RHCE: variants seen among roughly 807,000 people sequenced by gnomAD.
RHCE encodes the protein Rh blood group CcEe antigens, also known as blood group Rh(CE) polypeptide.
In RHCE, 22 loss-of-function variants were observed where a neutral mutation model predicts 43.8. The ratio of observed to expected loss-of-function variants is 0.50; its 90% confidence interval spans 0.36 to 0.72. The LOEUF is 0.72. RHCE is among the 30% of genes least tolerant of loss of function. The pLI, the probability that RHCE is intolerant of heterozygous loss-of-function variation, is 0.00. For missense variants in RHCE, 385 were observed against 525.4 expected (o/e 0.73, Z 2.61); for synonymous variants, 156 against 210.7 (o/e 0.74, Z 2.25).
At chr1:25,379,513 T>A (rs1645928274) in intron 7 of RHCE, among the ~76,000 whole-genome samples, 1 of 92,980 alleles carries the variant, frequency 1.1e-5, no homozygotes, top group African/African-American at 4.3e-5. Context: ...TTTTTTTTTT[T>A]TTTTTTTTAA....
chr1:25,418,778 G>T (rs1298330325), intron 1 of RHCE, among the ~76,000 whole-genome samples: 5 of 152,192 alleles, frequency 3.3e-5, no homozygotes, highest in African/African-American at 1.2e-4. Context: ...CCTCCCTCCA[G>T]AAGCCTCCCC....
intron 3 of RHCE, among the ~76,000 whole-genome samples, chr1:25,399,383 T>G (rs675798): frequency 2.6e-5 from 4 of 152,088 alleles, no homozygotes; most frequent in African/African-American, 9.7e-5. Flanking sequence ...GGAATTATAT[T>G]TAAGTTGTGA....
chr1:25,408,106 A>G (rs186132701), intron 2 of RHCE, among the ~76,000 whole-genome samples: 3 of 121,916 alleles, frequency 2.5e-5, no homozygotes, highest in African/African-American at 7.6e-5. Flanking sequence ...TGACCAACAC[A>G]GAGAAACCCT....
At chr1:25,406,872 A>G (rs28759034) in intron 2 of RHCE, among the ~76,000 whole-genome samples, 12,197 of 107,688 alleles carry the variant, frequency 0.11, 2,660 homozygotes, top group African/African-American at 0.31. Flanking sequence ...TGATCTGCCC[A>G]CCCCCACCTC....
chr1:25,417,577 G>A (rs543466869), intron 1 of RHCE, among the ~76,000 whole-genome samples: 58 of 152,254 alleles, frequency 3.8e-4, no homozygotes, highest in African/African-American at 1.3e-3. Context: ...ACTCTGAGGA[G>A]TGAATTTTCA....
Position 25,362,464 on chromosome 1 carries a change from G to A in RHCE, c.*63C>T, listed in dbSNP as rs1645429333. 1 of 1,612,070 alleles carries A rather than the reference G, an allele frequency of 6.2e-7. No individual in the cohort carries two copies. The highest frequency in any genetic ancestry group is 1.3e-5 in the African/African-American group (1 of 74,930). On this transcript the variant is annotated 3_prime_UTR_variant, in exon 10 of 10. Coordinates refer to ENST00000294413, the MANE Select transcript of RHCE (RefSeq NM_020485.8). ...TGAGCGTTTCTCACGTACAAATGCA[G>A]GCAACAGTGAGAGGAAGTTGTCTTG...
intron 7 of RHCE, among the ~76,000 whole-genome samples, chr1:25,378,798 T>G (rs896156509): frequency 6.6e-6 from 1 of 152,178 alleles, no homozygotes; most frequent in East Asian, 1.9e-4. Flanking sequence ...TCTGCCTCTT[T>G]TTTACAGGGG....
At chr1:25,370,406 C>G in intron 9 of RHCE, 61 bp downstream of exon 9, 1 of 1,386,892 alleles carries the variant, frequency 7.2e-7, no homozygotes, top group Non-Finnish European at 1.0e-6. Flanking sequence ...CATATATACC[C>G]AGGTATGTTT....
chr1:25,428,877 T>G (rs1442566316), intron 2 of RHCE: 1 of 152,254 alleles, frequency 6.6e-6, no homozygotes, highest in Non-Finnish European at 1.5e-5. Flanking sequence ...AGAGATACTG[T>G]GTTGGGGCAG....
upstream of RHCE, among the ~76,000 whole-genome samples, chr1:25,424,179 G>T (rs1557650786): frequency 6.6e-6 from 1 of 152,184 alleles, no homozygotes; most frequent in Non-Finnish European, 1.5e-5. Flanking sequence ...GCATGTTTAA[G>T]GTAGGTGACA....
chr1:25,387,590 G>A (rs1401387524), intron 6 of RHCE, among the ~76,000 whole-genome samples: 1 of 152,144 alleles, frequency 6.6e-6, no homozygotes, highest in East Asian at 1.9e-4. Flanking sequence ...TCTTTTTTCT[G>A]CCCTTCCTCC....
In RHCE at chr1:25,409,371, A is replaced by T. The variant is rs1423480012; in HGVS notation, c.149-502T>A. Reference sequence around the variant, plus strand: ...AGGCCCAGTGCTCTTGTTGTTGGGAACCACATAATCTTCACAGCAAACCTC... The same window carrying T: ...AGGCCCAGTGCTCTTGTTGTTGGGATCCACATAATCTTCACAGCAAACCTC... On this transcript the variant is annotated intron_variant, in intron 1 of 9. Transcript: ENST00000294413. Among the ~76,000 whole-genome samples, 26 of 124,012 alleles carry T rather than the reference A, an allele frequency of 2.1e-4. 4 individuals are homozygous for T. Among genetic ancestry groups the T allele is most frequent in the African/African-American group, 5.8e-4 (23 of 39,772 alleles). The allele number at this position is 124,012 out of a possible 152,430, so 81.4% of individuals were successfully genotyped here. A position where few individuals can be genotyped will look rare whatever the true frequency, so the allele number is the denominator to read the frequency against.
In RHCE at chr1:25,404,635, AT is replaced by A. The variant is rs1287720427; in HGVS notation, c.336-1890del. Among the ~76,000 whole-genome samples, 3 of 149,574 alleles carry A rather than the reference AT, an allele frequency of 2.0e-5. No individual in the cohort carries two copies. In the East Asian group the frequency reaches 5.9e-4, roughly 29 times the overall value. On this transcript the variant is annotated intron_variant, in intron 2 of 9. Coordinates refer to ENST00000294413, the MANE Select transcript of RHCE (RefSeq NM_020485.8). ...GTGCTGAGGAGGTGCTAAGACAGTG[AT>A]GTGCAGTGGTTAGGAGCGTGCTCTC...
Position 25,392,157 on chromosome 1 carries a change from G to GT in RHCE, c.487-17dup, listed in dbSNP as rs749326190. On this transcript the variant is annotated splice_polypyrimidine_tract_variant and intron_variant, in intron 3 of 9. Coordinates refer to ENST00000294413, the MANE Select transcript of RHCE (RefSeq NM_020485.8). ...GGTAGTCTGTCTGCAATAAAACCCA[G>GT]TAAGAGCAGTGAGTGTCGGCATCCT... 1.9e-6 allele frequency: 3 copies of GT among 1,614,120 alleles called. No individual in the cohort carries two copies. Among genetic ancestry groups the GT allele is most frequent in the Non-Finnish European group, 1.7e-6 (2 of 1,179,986 alleles).
At chr1:25,417,444 C>G (rs765750453) in intron 1 of RHCE, among the ~76,000 whole-genome samples, 1 of 152,000 alleles carries the variant, frequency 6.6e-6, no homozygotes, top group Non-Finnish European at 1.5e-5. Flanking sequence ...GTCAAGTGAA[C>G]AAAAAGGAAA....
chr1:25,412,139 C>T (rs1424719294), intron 1 of RHCE, among the ~76,000 whole-genome samples: 18 of 150,946 alleles, frequency 1.2e-4, no homozygotes, highest in Middle Eastern at 3.2e-3. Flanking sequence ...GAACTAACTA[C>T]CAGGCCCCAA....
intron 5 of RHCE, among the ~76,000 whole-genome samples, chr1:25,390,482 G>T (rs527398046): frequency 6.6e-6 from 1 of 152,346 alleles, no homozygotes; most frequent in South Asian, 2.1e-4. Flanking sequence ...CAGAAACGGG[G>T]TTCAAACTCA....
rs552123326 is a variant in RHCE at position 25,376,002 on chromosome 1, G to A, written c.1074-574C>T. On this transcript the variant is annotated intron_variant, in intron 7 of 9. Coordinates refer to ENST00000294413, the MANE Select transcript of RHCE (RefSeq NM_020485.8). ...GACGGGGTTTCACCATGTTGACCAG[G>A]CTGAACTCGAACTCCTGACCTCAAG... 5.8e-4 allele frequency among the ~76,000 whole-genome samples: 88 copies of A among 152,076 alleles called. 1 individual carries two copies. Among genetic ancestry groups the A allele is most frequent in the Non-Finnish European group, 9.6e-4 (65 of 67,994 alleles).
At chr1:25,377,218 A>G (rs1645814424) in intron 7 of RHCE, among the ~76,000 whole-genome samples, 1 of 152,158 alleles carries the variant, frequency 6.6e-6, no homozygotes, top group African/African-American at 2.4e-5. Context: ...TTTTAGAAAA[A>G]AATTCAGGGG....
Sources: allele counts gnomAD v4.1 joint callset (sites outside exome capture counted in the v4.1 genomes callset), GRCh38; gene constraint gnomAD v4.1.1; transcripts MANE v1.5; gene names NCBI Gene and HGNC (gene_info 2026-07-23, HGNC 2026-07-21).